Variants in EEF1D observed in about 807,000 individuals in gnomAD.
The protein encoded by EEF1D is elongation factor 1-delta.
Under a neutral mutation model 63.9 loss-of-function variants are expected in EEF1D, and 47 were observed. The observed-to-expected ratio is 0.74, with a 90% CI of 0.58 to 0.94. The LOEUF is 0.94. Ranked by LOEUF, EEF1D falls within the 40% of genes least tolerant of loss-of-function variation. EEF1D has a pLI of 0.00. For synonymous variants in EEF1D, 412 were observed against 386.1 expected (o/e 1.07, Z -0.79); for missense variants, 907 against 899.0 (o/e 1.01, Z -0.11).
chr8:143,589,465 G>C lies in EEF1D; in HGVS notation c.617C>G (p.Pro206Arg). 2 of 1,529,706 alleles carry C rather than the reference G, an allele frequency of 1.3e-6. No individual in the cohort carries two copies. Among genetic ancestry groups the C allele is most frequent in the Non-Finnish European group, 8.8e-7 (1 of 1,134,864 alleles). The allele number at this position is 1,529,706 out of a possible 1,614,324, so 94.8% of individuals were successfully genotyped here. A position where few individuals can be genotyped will look rare whatever the true frequency, so the allele number is the denominator to read the frequency against. The change falls in exon 3 of 10, where the codon CCC (proline) becomes CGC (arginine). Residue 206 changes from proline to arginine, a missense_variant. Coordinates refer to ENST00000618139, the MANE Select transcript of EEF1D (RefSeq NM_001130053.5). ...TGGGCTGGGCTGGTGGGCCAGGTCG[G>C]GGACGGCCACCTGCTGGCCTGTGTT... ...TPNTGQQVAV[P>R]DLAHQPSPPV... is the part of the protein sequence containing the mutation.
At chr8:143,588,592 G>A (rs1422266190) in intron 3 of EEF1D, among the ~76,000 whole-genome samples, 2 of 152,208 alleles carry the variant, frequency 1.3e-5, no homozygotes, top group African/African-American at 2.4e-5. Context: ...TCTCATCGCA[G>A]GGGAGCGCTA....
chr8:143,581,671 G>A, intron 5 of EEF1D: 1 of 349,198 alleles, frequency 2.9e-6, no homozygotes, highest in Non-Finnish European at 5.3e-6. Flanking sequence ...CAGTCCTAGG[G>A]ACAACCTGGG....
chr8:143,589,925 C>T lies in EEF1D; in HGVS notation c.157G>A (p.Gly53Ser), dbSNP rs771677695. The change falls in exon 3 of 10, where the codon GGC (glycine) becomes AGC (serine). Residue 53 changes from glycine to serine, a missense_variant. Transcript: ENST00000618139. ...TCAGCGTCCTCAGGGTCGTCCTGGCCGGGCCCATTCATGGCTGGCCCCTCG... is the reference window on the plus strand; with the variant it reads ...TCAGCGTCCTCAGGGTCGTCCTGGCTGGGCCCATTCATGGCTGGCCCCTCG... The part of the protein sequence containing the change: ...PAEGPAMNGP[G>S]QDDPEDADEA... The T allele has an allele frequency of 5.0e-6, 8 of 1,599,866 alleles. No homozygotes were observed. Among genetic ancestry groups the T allele is most frequent in the South Asian group, 4.4e-5 (4 of 90,882 alleles).
intron 2 of EEF1D, among the ~76,000 whole-genome samples, chr8:143,591,904 G>A (rs995341378): frequency 1.3e-5 from 2 of 152,232 alleles, no homozygotes; most frequent in Admixed American, 1.3e-4. Context: ...CCCTGGCACT[G>A]CACTCTGCAG....
chr8:143,584,879 T>A (rs1826272207), intron 5 of EEF1D, among the ~76,000 whole-genome samples: 1 of 152,158 alleles, frequency 6.6e-6, no homozygotes, highest in Non-Finnish European at 1.5e-5. Flanking sequence ...CTTTTTCCCA[T>A]TTTGAAAGGG....
rs752079200 is a variant in EEF1D at position 143,589,754 on chromosome 8, G to C, written c.328C>G (p.Arg110Gly). 2 of 1,534,338 alleles carry C rather than the reference G, an allele frequency of 1.3e-6. No homozygotes were observed. The highest frequency in any genetic ancestry group is 4.3e-5 in the Admixed American group (2 of 46,982). ...DLALLGLSAE[R>G]VWLDKSLFDQ... Reference sequence around the variant, plus strand: ...AAAAGTGACTTGTCCAGCCACACGCGTTCGGCCGAGAGGCCCAGGAGGGCC... The same window carrying C: ...AAAAGTGACTTGTCCAGCCACACGCCTTCGGCCGAGAGGCCCAGGAGGGCC... Residue 110 changes from arginine (R) to glycine (G), a missense_variant, in exon 3 of 10, where the codon CGC becomes GGC. Arg to Gly is a moderately radical substitution (Grantham distance 125). Coordinates refer to ENST00000618139, the MANE Select transcript of EEF1D (RefSeq NM_001130053.5).
intron 5 of EEF1D, 22 bp from the exon 6 acceptor site, chr8:143,581,350 G>A (rs763175628): frequency 3.7e-6 from 6 of 1,603,164 alleles, no homozygotes; most frequent in African/African-American, 1.3e-5. Flanking sequence ...GAGGAGGGGA[G>A]GGCTCAGTGC....
chr8:143,581,339 G>A lies in EEF1D; in HGVS notation c.1288-11C>T. 6.2e-7 allele frequency: 1 copy of A among 1,607,490 alleles called. No individual in the cohort carries two copies. On this transcript the variant is annotated splice_polypyrimidine_tract_variant and intron_variant, in intron 5 of 9. Coordinates refer to ENST00000618139, the MANE Select transcript of EEF1D (RefSeq NM_001130053.5). ...CCCGGGGCCTGAGCTCTGCAAGGCA[G>A]GAGGAGGGGAGGGCTCAGTGCCCAG... is the stretch of plus-strand genomic sequence containing the variant.
In EEF1D at chr8:143,592,946, G is replaced by C. The variant is rs1027792872; in HGVS notation, c.-14-286C>G. On this transcript the variant is annotated intron_variant, in intron 1 of 9. Coordinates refer to ENST00000618139, the MANE Select transcript of EEF1D (RefSeq NM_001130053.5). ...TCAGTTGGAGCCTAGGCAGGCCCTGGGGGACAAGCAGGGACCACTATCTGA... is the reference window on the plus strand; with the variant it reads ...TCAGTTGGAGCCTAGGCAGGCCCTGCGGGACAAGCAGGGACCACTATCTGA... 7 of 153,100 alleles carry C rather than the reference G, an allele frequency of 4.6e-5. No homozygotes were observed. The East Asian group carries it at 7.7e-4, about 17-fold the overall frequency. The allele number at this position is 153,100 out of a possible 1,614,324, so 9.5% of individuals were successfully genotyped here.
At chr8:143,586,559 C>G (rs560496267) in intron 4 of EEF1D, among the ~76,000 whole-genome samples, 170 bp downstream of exon 4, 68 of 152,242 alleles carry the variant, frequency 4.5e-4, no homozygotes, top group Admixed American at 1.3e-3. Flanking sequence ...AGACCCGGCC[C>G]GGGGGCCCGG....
At chr8:143,581,510 GA>G (rs1444123916) in intron 5 of EEF1D, 182 bp from the exon 6 acceptor site, 8 of 603,126 alleles carry the variant, frequency 1.3e-5, no homozygotes, top group Non-Finnish European at 5.9e-6. Flanking sequence ...AGACCACAGT[GA>G]AATTCTCAGC....
At chr8:143,587,812 G>A (rs1826997531) in intron 3 of EEF1D, among the ~76,000 whole-genome samples, 1 of 152,242 alleles carries the variant, frequency 6.6e-6, no homozygotes, top group Admixed American at 6.5e-5. Context: ...CTGGCCAGCA[G>A]CAGAGGAGCT....
In EEF1D at chr8:143,592,807, A is replaced by C. The variant is rs58152974; in HGVS notation, c.-14-147T>G. 4.7e-3 allele frequency: 2,888 copies of C among 614,302 alleles called. 80 individuals carry two copies. Among genetic ancestry groups the C allele is most frequent in the African/African-American group, 0.046 (2,316 of 50,180 alleles). 38.1% of individuals were successfully genotyped at this position (614,302 alleles called of 1,614,324 possible). On this transcript the variant is annotated intron_variant, in intron 1 of 9. Coordinates refer to ENST00000618139, the MANE Select transcript of EEF1D (RefSeq NM_001130053.5). ...TGGTGTGGAGGTGACACTGGTGGAG[A>C]TGGAAGCTGAGCGCCAGACAGACCC...
chr8:143,589,370 G>A lies in EEF1D; in HGVS notation c.712C>T (p.Arg238Trp), dbSNP rs367859359. 2.8e-5 allele frequency: 43 copies of A among 1,554,822 alleles called. No individual in the cohort carries two copies. The highest frequency in any genetic ancestry group is 5.4e-5 in the African/African-American group (4 of 73,398). Residue 238 changes from arginine to tryptophan, a missense_variant, in exon 3 of 10, where the codon CGG (arginine) becomes TGG (tryptophan). Arg to Trp is a moderately radical substitution (Grantham distance 101, BLOSUM62 -3). Coordinates refer to ENST00000618139, the MANE Select transcript of EEF1D (RefSeq NM_001130053.5). The stretch of plus-strand genomic sequence containing the variant: ...AAGCCCCTCTCGGCTGCATCATACC[G>A]GGGCTTCTCCAGCCACACCTCCCGA... ...LVREVWLEKP[R>W]YDAAERGFYE...
intron 5 of EEF1D, among the ~76,000 whole-genome samples, chr8:143,585,563 G>A (rs752325670): frequency 4.6e-5 from 7 of 152,192 alleles, no homozygotes; most frequent in East Asian, 1.9e-4. Flanking sequence ...CACTGACCCC[G>A]TTCTTGGGGC....
Position 143,580,550 on chromosome 8 carries a change from G to A in EEF1D, c.1666C>T (p.Pro556Ser). ...RQYAEKKAKK[P>S]ALVAKSSILL... ...ATGGAGGACTTGGCCACCAGTGCAG[G>A]CTTCTTGGCCTTCTTCTCCGCGTAC... The change falls in exon 8 of 10, where the codon CCT becomes TCT. Residue 556 changes from proline to serine, a missense_variant. By Grantham distance (74) the Pro-to-Ser change is moderately conservative. Coordinates refer to ENST00000618139, the MANE Select transcript of EEF1D (RefSeq NM_001130053.5). 2 of 1,613,118 alleles carry A rather than the reference G, an allele frequency of 1.2e-6. No homozygotes were observed. Among genetic ancestry groups the A allele is most frequent in the Non-Finnish European group, 1.7e-6 (2 of 1,179,862 alleles).
chr8:143,585,376 T>C (rs947905966), intron 5 of EEF1D, among the ~76,000 whole-genome samples: 31 of 152,162 alleles, frequency 2.0e-4, no homozygotes, highest in Middle Eastern at 6.8e-3. Context: ...TCCACCAGAA[T>C]CTGGGAGAGG....
At chr8:143,591,858 G>A (rs1018618816) in intron 2 of EEF1D, among the ~76,000 whole-genome samples, 1 of 152,252 alleles carries the variant, frequency 6.6e-6, no homozygotes, top group African/African-American at 2.4e-5. Context: ...AGCTGTCTAC[G>A]CTCCACCCAG....
intron 5 of EEF1D, among the ~76,000 whole-genome samples, chr8:143,585,192 A>G (rs377575051): frequency 1.3e-5 from 2 of 152,224 alleles, no homozygotes; most frequent in East Asian, 1.9e-4. Context: ...GATTAAATTC[A>G]GGATTTTGAG....
Sources: gnomAD v4.1 joint callset for allele counts (sites outside exome capture counted in the v4.1 genomes callset) on GRCh38, gnomAD v4.1.1 for gene constraint, MANE v1.5 for transcripts, NCBI Gene and HGNC (gene_info 2026-07-23, HGNC 2026-07-21) for gene names.